The following FMN1 variants were observed in gnomAD, a reference collection of about 807,000 sequenced individuals.
FMN1 encodes the protein formin-1.
Under a neutral mutation model 132.4 loss-of-function variants are expected in FMN1, and 110 were observed. The observed-to-expected ratio is 0.83, with a 90% CI of 0.71 to 0.97. The LOEUF (loss-of-function observed/expected upper bound fraction) is 0.97. Ranked by LOEUF, FMN1 falls within the 50% of genes least tolerant of loss-of-function variation. FMN1 has a pLI of 0.00. For missense variants in FMN1, 1,792 were observed against 1,705.3 expected (o/e 1.05, Z -0.90); for synonymous variants, 722 against 651.7 (o/e 1.11, Z -1.64).
chr15:33,118,274 A>C (rs566391073), intron 4 of FMN1, among the ~76,000 whole-genome samples: 1 of 152,274 alleles, frequency 6.6e-6, no homozygotes, highest in East Asian at 1.9e-4. Flanking sequence ...CTCATTTGTT[A>C]TATTAATAAC....
At chr15:33,121,102 G>A (rs764057079) in intron 4 of FMN1, among the ~76,000 whole-genome samples, 5 of 147,612 alleles carry the variant, frequency 3.4e-5, no homozygotes, top group Admixed American at 6.9e-5. Context: ...GCTAGATGAT[G>A]TTGTAACAAG....
chr15:32,908,624 G>C, intron 11 of FMN1, 46 bp from the exon 12 acceptor site: 1 of 856,322 alleles, frequency 1.2e-6, no homozygotes, highest in Non-Finnish European at 1.8e-6. Context: ...AAAAAAAAAA[G>C]GGAAGTGAGA....
At position 33,154,370 on chromosome 15, in the gene FMN1, C is replaced by T. The variant is rs150808865; in HGVS notation, c.545G>A (p.Arg182His). 5.5e-5 allele frequency: 84 copies of T among 1,536,156 alleles called. No homozygotes were observed. The African/African-American group carries it at 6.7e-4, about 12-fold the overall frequency. The change falls in exon 4 of 21, where the codon CGT becomes CAT. Residue 182 changes from arginine to histidine, a missense_variant. Physicochemically the swap from Arg to His is conservative, Grantham distance 29. Around this residue, in one of 3 missense-constraint regions of FMN1, gnomAD observed 638 missense variants for 645.2 expected, o/e 0.99. Coordinates refer to ENST00000616417, the MANE Select transcript of FMN1 (RefSeq NM_001277313.2). ...CAGAGGAGCTGATTCTCGGCCTCCACGCCCTTTTCTTTTGGTCCTCTTCTG... is the reference window on the plus strand; with the variant it reads ...CAGAGGAGCTGATTCTCGGCCTCCATGCCCTTTTCTTTTGGTCCTCTTCTG... ...LPQKRTKRKG[R>H]GGRESAPLMG...
At chr15:32,909,582 C>T (rs546634554) in intron 11 of FMN1, among the ~76,000 whole-genome samples, 19 of 152,254 alleles carry the variant, frequency 1.2e-4, no homozygotes, top group South Asian at 4.1e-4. Context: ...AAATATGAAA[C>T]GAATCATCTT....
At chr15:33,102,217 T>C (rs1424577729) in intron 4 of FMN1, among the ~76,000 whole-genome samples, 1 of 152,144 alleles carries the variant, frequency 6.6e-6, no homozygotes. Flanking sequence ...TGTGTCTTTG[T>C]AAGTATTACT....
chr15:32,835,245 A>G (rs1360761533), intron 17 of FMN1, among the ~76,000 whole-genome samples: 3 of 152,192 alleles, frequency 2.0e-5, no homozygotes, highest in Non-Finnish European at 4.4e-5. Flanking sequence ...GGGAAAGCAG[A>G]CTATTCAGAT....
chr15:33,110,020 G>C (rs570004750), intron 4 of FMN1, among the ~76,000 whole-genome samples: 2 of 152,130 alleles, frequency 1.3e-5, no homozygotes, highest in African/African-American at 4.8e-5. Context: ...ATGGGTAAGT[G>C]CACGAATACT....
At chr15:32,787,908 ACT>A (rs1433938007) in intron 19 of FMN1, among the ~76,000 whole-genome samples, 6 of 152,196 alleles carry the variant, frequency 3.9e-5, no homozygotes, top group African/African-American at 1.4e-4. Context: ...CCAATTGTGT[ACT>A]TTGTCAAATC....
intron 4 of FMN1, among the ~76,000 whole-genome samples, chr15:33,124,248 T>C (rs1007405800): frequency 2.0e-5 from 3 of 147,204 alleles, no homozygotes; most frequent in East Asian, 2.0e-4. Context: ...ACAGATGTTA[T>C]GTGGAGGAAA....
chr15:32,830,671 A>T (rs1446946270), intron 17 of FMN1, among the ~76,000 whole-genome samples: 1 of 152,170 alleles, frequency 6.6e-6, no homozygotes, highest in Non-Finnish European at 1.5e-5. Context: ...AAATTGAAAG[A>T]AGTGCCACAG....
chr15:32,976,345 T>G (rs541501069), intron 7 of FMN1, among the ~76,000 whole-genome samples: 1 of 152,270 alleles, frequency 6.6e-6, no homozygotes, highest in South Asian at 2.1e-4. Flanking sequence ...TGGGATTCAG[T>G]TCTTACAGAA....
chr15:32,998,198 A>C (rs951065781), intron 7 of FMN1, among the ~76,000 whole-genome samples: 1 of 152,224 alleles, frequency 6.6e-6, no homozygotes, highest in African/African-American at 2.4e-5. Context: ...ATGGTATCAC[A>C]AATTTAAGAA....
At chr15:32,779,114 C>T (rs1472538373) in intron 19 of FMN1, among the ~76,000 whole-genome samples, 1 of 152,094 alleles carries the variant, frequency 6.6e-6, no homozygotes, top group Non-Finnish European at 1.5e-5. Context: ...CAAATCCATA[C>T]AGAAAGTAGG....
chr15:32,912,829 T>C (rs2060595613), intron 10 of FMN1, among the ~76,000 whole-genome samples: 1 of 152,186 alleles, frequency 6.6e-6, no homozygotes, highest in Non-Finnish European at 1.5e-5. Flanking sequence ...AGCTTCAGCA[T>C]ATCTATAAAA....
rs57232200 is a variant in FMN1, at chr15:33,185,568, A to ATTTTTTTTTTTTTTTTTT, written c.-196-5324_-196-5307dup. On this transcript the variant is annotated intron_variant, in intron 2 of 20. Coordinates refer to ENST00000616417, the MANE Select transcript of FMN1 (RefSeq NM_001277313.2). ...GTAATTTTTTTTTAATAAAGTAAGA[A>ATTTTTTTTTTTTTTTTTT]TTTTTTTTTTTTTTTTTTTTTTACA... 4.6e-4 allele frequency among the ~76,000 whole-genome samples: 52 copies of ATTTTTTTTTTTTTTTTTT among 113,396 alleles called. 4 individuals are homozygous for ATTTTTTTTTTTTTTTTTT. The highest frequency in any genetic ancestry group is 2.1e-3 in the African/African-American group (51 of 23,860). 74.4% of individuals were successfully genotyped at this position (113,396 alleles called of 152,430 possible).
At chr15:32,875,302 A>G (rs62001318) in intron 16 of FMN1, among the ~76,000 whole-genome samples, 28,562 of 152,130 alleles carry the variant, frequency 0.19, 3,345 homozygotes, top group East Asian at 0.27. Context: ...CTGCCCTTAT[A>G]ATATGCCACC....
intron 17 of FMN1, among the ~76,000 whole-genome samples, chr15:32,813,995 C>A (rs531268658): frequency 1.3e-5 from 2 of 152,166 alleles, no homozygotes; most frequent in Non-Finnish European, 2.9e-5. Context: ...GGAATAGATA[C>A]ATCAGAGAGA....
chr15:32,984,978 C>CAAAAAAAAAAAAAAAA (rs11330959), intron 7 of FMN1, among the ~76,000 whole-genome samples: 40 of 97,238 alleles, frequency 4.1e-4, no homozygotes, highest in African/African-American at 1.1e-3. Context: ...CATCCATCAC[C>CAAAAAAAAAAAAAAAA]AAAAAAAAAA....
intron 5 of FMN1, among the ~76,000 whole-genome samples, chr15:33,080,696 G>A (rs1206902523): frequency 6.6e-6 from 1 of 152,108 alleles, no homozygotes; most frequent in East Asian, 1.9e-4. Flanking sequence ...AGACCAGCCT[G>A]ACCAACATGG....
Sources: allele counts gnomAD v4.1 joint callset (sites outside exome capture counted in the v4.1 genomes callset), GRCh38; gene constraint gnomAD v4.1.1; regional missense constraint gnomAD v4.1.1; transcripts MANE v1.5; gene names NCBI Gene and HGNC (gene_info 2026-07-23, HGNC 2026-07-21).